The following STAG1 variants were observed in gnomAD, a reference collection of about 807,000 sequenced individuals.
STAG1 encodes the protein STAG1 cohesin complex component.
In STAG1, 26 loss-of-function variants were observed where a neutral mutation model predicts 170.9. The observed-to-expected ratio is 0.15, with a 90% CI of 0.11 to 0.21. STAG1 has a LOEUF of 0.21. STAG1 is among the 10% of genes least tolerant of loss of function. STAG1 has a pLI of 1.00. For missense variants in STAG1, 964 were observed against 1,509.5 expected, an observed-to-expected ratio of 0.64 and a Z score of 5.99; for synonymous variants, 514 against 497.7, an observed-to-expected ratio of 1.03 and a Z score of -0.44.
intron 23 of STAG1, among the ~76,000 whole-genome samples, chr3:136,371,373 G>C (rs1336691554): frequency 2.0e-5 from 3 of 152,130 alleles, no homozygotes; most frequent in Non-Finnish European, 2.9e-5. Flanking sequence ...GATCCCATTT[G>C]TCAATTTTGG....
At chr3:136,732,237 T>TAAAAAA (rs71134406) in intron 1 of STAG1, among the ~76,000 whole-genome samples, 1 of 85,758 alleles carries the variant, frequency 1.2e-5, no homozygotes, top group African/African-American at 4.2e-5. Context: ...TATCCACAAC[T>TAAAAAA]AAAAAAAAAA....
At chr3:136,382,506 G>C (rs187979651) in intron 22 of STAG1, among the ~76,000 whole-genome samples, 1 of 151,158 alleles carries the variant, frequency 6.6e-6, no homozygotes, top group Non-Finnish European at 1.5e-5. Context: ...GGGTTCAAGC[G>C]ATTCTCCTAC....
intron 1 of STAG1, among the ~76,000 whole-genome samples, chr3:136,726,492 C>T (rs1333703531): frequency 6.6e-6 from 1 of 152,180 alleles, no homozygotes; most frequent in Non-Finnish European, 1.5e-5. Context: ...AGCACAATCT[C>T]GGCTCACTGC....
intron 1 of STAG1, among the ~76,000 whole-genome samples, chr3:136,723,660 G>C (rs1342235872): frequency 1.4e-5 from 2 of 144,734 alleles, no homozygotes; most frequent in Non-Finnish European, 3.0e-5. Context: ...GGAGGTGGGG[G>C]GGTCAGCCCC....
chr3:136,345,783 T>C (rs1329315935), intron 29 of STAG1, among the ~76,000 whole-genome samples: 5 of 152,168 alleles, frequency 3.3e-5, no homozygotes, highest in Non-Finnish European at 7.3e-5. Flanking sequence ...TCTCCTCGTA[T>C]TTCTCAGGTT....
At position 136,678,078 on chromosome 3, in the gene STAG1, A is replaced by C. The variant is rs147091871; in HGVS notation, c.-83-47097T>G. 3.9e-3 allele frequency among the ~76,000 whole-genome samples: 594 copies of C among 150,674 alleles called. 2 individuals carry two copies. Among genetic ancestry groups the C allele is most frequent in the Middle Eastern group, 0.028 (8 of 288 alleles). On this transcript the variant is annotated intron_variant, in intron 1 of 33. Coordinates refer to ENST00000383202, the MANE Select transcript of STAG1 (RefSeq NM_005862.3). ...ATTCTTAGTGAAGGGCATAAACTTT[A>C]TCATGTATTTGAAAAGCAGTGATAG...
chr3:136,545,873 G>C (rs1402623010), intron 5 of STAG1, among the ~76,000 whole-genome samples: 2 of 151,740 alleles, frequency 1.3e-5, no homozygotes, highest in Non-Finnish European at 2.9e-5. Context: ...TGTGGGGGAG[G>C]AAAAAAAACT....
At chr3:136,731,367 G>C (rs1934030980) in intron 1 of STAG1, among the ~76,000 whole-genome samples, 1 of 152,152 alleles carries the variant, frequency 6.6e-6, no homozygotes, top group South Asian at 2.1e-4. Flanking sequence ...AGGTAAACTA[G>C]AAAAAGCTGG....
intron 6 of STAG1, among the ~76,000 whole-genome samples, chr3:136,530,779 G>C (rs1935329569): frequency 6.6e-6 from 1 of 152,076 alleles, no homozygotes; most frequent in African/African-American, 2.4e-5. Context: ...TAGGATGAAA[G>C]TTTATAGAAA....
At chr3:136,394,053 C>A (rs939668981) in intron 22 of STAG1, among the ~76,000 whole-genome samples, 12 of 152,070 alleles carry the variant, frequency 7.9e-5, no homozygotes, top group Non-Finnish European at 1.3e-4. Context: ...AGGGACATGC[C>A]CATGCCACCA....
intron 23 of STAG1, among the ~76,000 whole-genome samples, chr3:136,376,008 A>ATAATTAAT (rs1229648045): frequency 2.3e-5 from 3 of 133,296 alleles, no homozygotes; most frequent in African/African-American, 8.7e-5. Flanking sequence ...AAATAAATAA[A>ATAATTAAT]TAATTAACAA....
intron 13 of STAG1, among the ~76,000 whole-genome samples, chr3:136,464,112 T>A (rs1267948066): frequency 1.3e-5 from 2 of 151,870 alleles, no homozygotes; most frequent in Non-Finnish European, 2.9e-5. Flanking sequence ...AGAATTACTA[T>A]GAATTACTGA....
At chr3:136,739,854 C>T (rs1032008080) in intron 1 of STAG1, among the ~76,000 whole-genome samples, 3 of 151,542 alleles carry the variant, frequency 2.0e-5, no homozygotes, top group South Asian at 4.2e-4. Context: ...TACATATATA[C>T]ACACACACAC....
chr3:136,664,638 T>A (rs1407232061), intron 1 of STAG1, among the ~76,000 whole-genome samples: 1 of 152,242 alleles, frequency 6.6e-6, no homozygotes, highest in Non-Finnish European at 1.5e-5. Flanking sequence ...CATTTGTGTA[T>A]TGTATGTATA....
At chr3:136,446,205 T>C (rs568784972) in intron 14 of STAG1, among the ~76,000 whole-genome samples, 75 of 152,286 alleles carry the variant, frequency 4.9e-4, no homozygotes, top group Non-Finnish European at 3.2e-4. Flanking sequence ...GCCTTAAACA[T>C]CAATGTCATA....
At chr3:136,748,735 G>T (rs898322253) in intron 1 of STAG1, among the ~76,000 whole-genome samples, 5 of 152,090 alleles carry the variant, frequency 3.3e-5, no homozygotes, top group Middle Eastern at 3.2e-3. Context: ...TTTTAAAAAG[G>T]TGTTCTTAGT....
At position 136,340,475 on chromosome 3, in the gene STAG1, T is replaced by G. The variant is rs374980869; in HGVS notation, c.3672+16A>C. 1.3e-6 allele frequency: 2 copies of G among 1,517,824 alleles called. No homozygotes were observed. Among genetic ancestry groups the G allele is most frequent in the Admixed American group, 3.3e-5 (2 of 59,860 alleles). 94.0% of individuals were successfully genotyped at this position (1,517,824 alleles called of 1,614,324 possible). ...CACATATTTTAACAAAAGAAAAATA[T>G]AGTGAATTTCTCTACCAGATCAATA... On this transcript the variant is annotated intron_variant, in intron 32 of 33. Transcript: ENST00000383202.
intron 1 of STAG1, among the ~76,000 whole-genome samples, chr3:136,739,772 C>T (rs781503858): frequency 3.3e-5 from 5 of 151,648 alleles, no homozygotes; most frequent in Admixed American, 6.6e-5. Flanking sequence ...TGCAGTGAGC[C>T]GAGATCGCGC....
chr3:136,394,492 A>G (rs1033583372), intron 22 of STAG1, among the ~76,000 whole-genome samples: 2 of 152,206 alleles, frequency 1.3e-5, no homozygotes, highest in African/African-American at 2.4e-5. Flanking sequence ...TCTTTCTGGC[A>G]TAAAGAAAAT....
Sources: allele counts gnomAD v4.1 joint callset (sites outside exome capture counted in the v4.1 genomes callset), GRCh38; gene constraint gnomAD v4.1.1; transcripts MANE v1.5; gene names NCBI Gene and HGNC (gene_info 2026-07-23, HGNC 2026-07-21).